Variants in TMEFF1 observed in about 807,000 individuals in gnomAD.
The protein encoded by TMEFF1 is tomoregulin-1.
Under a neutral mutation model 47.5 loss-of-function variants are expected in TMEFF1, and 20 were observed. The ratio of observed to expected loss-of-function variants is 0.42; its 90% CI spans 0.30 to 0.61. The LOEUF is 0.61. TMEFF1 is among the 20% of genes least tolerant of loss of function. The probability of loss-of-function intolerance (pLI) is 0.19; values close to 1 mark genes in which losing one functional copy is unlikely to be tolerated. For synonymous variants in TMEFF1, 162 were observed against 166.3 expected (o/e 0.97, Z 0.20); for missense variants, 411 against 471.1 (o/e 0.87, Z 1.18).
At chr9:100,543,251 C>T (rs1838667629) in intron 5 of TMEFF1, among the ~76,000 whole-genome samples, 1 of 152,220 alleles carries the variant, frequency 6.6e-6, no homozygotes, top group Non-Finnish European at 1.5e-5. Flanking sequence ...TAAATATGCA[C>T]CATGTCTTAG....
At chr9:100,503,369 AT>A (rs1682155824) in intron 2 of TMEFF1, among the ~76,000 whole-genome samples, 1 of 152,086 alleles carries the variant, frequency 6.6e-6, no homozygotes, top group Non-Finnish European at 1.5e-5. Flanking sequence ...AAAACTTTGT[AT>A]AGAGTACAGT....
chr9:100,526,200 T>G (rs887366524), intron 5 of TMEFF1, among the ~76,000 whole-genome samples: 3 of 152,182 alleles, frequency 2.0e-5, no homozygotes, highest in Non-Finnish European at 4.4e-5. Flanking sequence ...TCTAAAGCCA[T>G]TCTAATTCTT....
intron 5 of TMEFF1, among the ~76,000 whole-genome samples, chr9:100,536,457 G>T (rs1838510099): frequency 6.6e-6 from 1 of 152,100 alleles, no homozygotes; most frequent in Admixed American, 6.6e-5. Flanking sequence ...GAGCAGGGAG[G>T]TTCACAATTA....
At chr9:100,568,606 T>TCCTC (rs1355306146) in intron 8 of TMEFF1, among the ~76,000 whole-genome samples, 1 of 151,148 alleles carries the variant, frequency 6.6e-6, no homozygotes, top group African/African-American at 2.4e-5. Flanking sequence ...CTTCCTTCCT[T>TCCTC]CCTTCTCCAT....
At chr9:100,490,291 T>G (rs1837525819) in intron 1 of TMEFF1, among the ~76,000 whole-genome samples, 1 of 152,208 alleles carries the variant, frequency 6.6e-6, no homozygotes, top group Non-Finnish European at 1.5e-5. Context: ...CCTCCTCATA[T>G]CTTTATACTA....
intron 1 of TMEFF1, among the ~76,000 whole-genome samples, chr9:100,479,258 T>G (rs1290059252): frequency 6.6e-6 from 1 of 152,206 alleles, no homozygotes; most frequent in Non-Finnish European, 1.5e-5. Context: ...GCTTCCCTGC[T>G]TTCAAGGGCC....
chr9:100,478,941 T>C (rs1837287208), intron 1 of TMEFF1, among the ~76,000 whole-genome samples: 1 of 152,146 alleles, frequency 6.6e-6, no homozygotes, highest in African/African-American at 2.4e-5. Flanking sequence ...GTGATAGATA[T>C]AAGGTAGAGA....
rs1297763060 is a variant in TMEFF1 at position 100,516,783 on chromosome 9, G to A, written c.560+12G>A. Reference sequence around the variant, plus strand: ...GCAGAAAATGTTGGGTGAGTTGGTTGAGGGGAAGGGACAAAGTTATTTAGA... The same window carrying A: ...GCAGAAAATGTTGGGTGAGTTGGTTAAGGGGAAGGGACAAAGTTATTTAGA... On this transcript the variant is annotated intron_variant, in intron 5 of 9. Coordinates refer to ENST00000374879, the MANE Select transcript of TMEFF1 (RefSeq NM_003692.5). 2 of 1,611,746 alleles carry A rather than the reference G, an allele frequency of 1.2e-6. No individual in the cohort carries two copies. Among genetic ancestry groups the A allele is most frequent in the African/African-American group, 2.7e-5 (2 of 74,838 alleles).
chr9:100,542,350 A>G (rs1213033979), intron 5 of TMEFF1, among the ~76,000 whole-genome samples: 2 of 152,144 alleles, frequency 1.3e-5, no homozygotes, highest in African/African-American at 4.8e-5. Context: ...TGTTGTTCTT[A>G]TATTACCCAT....
At chr9:100,540,636 AG>A (rs1464617336) in intron 5 of TMEFF1, among the ~76,000 whole-genome samples, 1 of 152,244 alleles carries the variant, frequency 6.6e-6, no homozygotes, top group Non-Finnish European at 1.5e-5. Context: ...GAGGCCAAGG[AG>A]GTGCTGAGAG....
At chr9:100,506,379 A>G (rs1335966513) in intron 2 of TMEFF1, among the ~76,000 whole-genome samples, 1 of 152,104 alleles carries the variant, frequency 6.6e-6, no homozygotes, top group Non-Finnish European at 1.5e-5. Flanking sequence ...CTATAAATAT[A>G]CTTTATTTTC....
chr9:100,542,923 CTTTTTTTTTT>C (rs34994276), intron 5 of TMEFF1, among the ~76,000 whole-genome samples: 113 of 104,590 alleles, frequency 1.1e-3, no homozygotes, highest in African/African-American at 3.4e-3. Context: ...CTCTCTCTCT[CTTTTTTTTTT>C]TTTTTTTTTT....
chr9:100,521,405 T>C (rs762469131), intron 5 of TMEFF1, among the ~76,000 whole-genome samples: 3 of 152,200 alleles, frequency 2.0e-5, no homozygotes, highest in East Asian at 1.9e-4. Flanking sequence ...CCAAGAAATA[T>C]GACTCCCCAC....
intron 5 of TMEFF1, among the ~76,000 whole-genome samples, chr9:100,521,311 T>C (rs1363553788): frequency 2.0e-5 from 3 of 152,202 alleles, no homozygotes; most frequent in African/African-American, 4.8e-5. Flanking sequence ...GATGGCATCG[T>C]GGGCTTTGCT....
At chr9:100,493,536 A>G (rs1174283005) in intron 1 of TMEFF1, among the ~76,000 whole-genome samples, 1 of 152,172 alleles carries the variant, frequency 6.6e-6, no homozygotes, top group East Asian at 1.9e-4. Context: ...TGAAATGTTA[A>G]TGAAATTCTC....
At chr9:100,501,593 C>T (rs1156916838) in intron 2 of TMEFF1, among the ~76,000 whole-genome samples, 1 of 151,962 alleles carries the variant, frequency 6.6e-6, no homozygotes, top group Non-Finnish European at 1.5e-5. Context: ...TATTCATTAA[C>T]TCATAAACTC....
chr9:100,540,477 G>A (rs1373563246), intron 5 of TMEFF1, among the ~76,000 whole-genome samples: 2 of 152,214 alleles, frequency 1.3e-5, no homozygotes, highest in Non-Finnish European at 2.9e-5. Flanking sequence ...GGCACCAGCC[G>A]GCCTTGCCAA....
At chr9:100,556,577 A>T (rs1169389471) in intron 7 of TMEFF1, among the ~76,000 whole-genome samples, 1 of 152,160 alleles carries the variant, frequency 6.6e-6, no homozygotes, top group Non-Finnish European at 1.5e-5. Flanking sequence ...GTTTCATTCA[A>T]CATAAAGAAA....
chr9:100,501,411 A>G (rs185900712), intron 2 of TMEFF1, among the ~76,000 whole-genome samples: 1 of 152,030 alleles, frequency 6.6e-6, no homozygotes, highest in Non-Finnish European at 1.5e-5. Flanking sequence ...TGTGCTGTAT[A>G]TTTGTTACCA....
Sources: allele counts gnomAD v4.1 joint callset (sites outside exome capture counted in the v4.1 genomes callset), GRCh38; gene constraint gnomAD v4.1.1; transcripts MANE v1.5; gene names NCBI Gene and HGNC (gene_info 2026-07-23, HGNC 2026-07-21).